Variants in PCDH15 observed in about 807,000 individuals in gnomAD.
PCDH15 encodes protocadherin-15.
PCDH15 carries 129 observed loss-of-function variants against 178.5 expected under a neutral mutation model. That is an observed-to-expected ratio of 0.72 (90% confidence interval 0.63 to 0.84). PCDH15 has a LOEUF of 0.84. Among genes scored for constraint, PCDH15 ranks in the 40% least tolerant of loss-of-function variants. The pLI, the probability that PCDH15 is intolerant of heterozygous loss-of-function variation, is 0.00. For synonymous variants in PCDH15, 800 were observed against 732.0 expected, an observed-to-expected ratio of 1.09 and a Z score of -1.50; for missense variants, 2,230 against 2,099.9, an observed-to-expected ratio of 1.06 and a Z score of -1.21.
At chr10:53,928,163 C>T (rs773989851) in intron 25 of PCDH15, among the ~76,000 whole-genome samples, 15 of 152,018 alleles carry the variant, frequency 9.9e-5, no homozygotes, top group Non-Finnish European at 1.8e-4. Context: ...AATGTTCACT[C>T]CTATGTACAT....
At chr10:53,855,138 A>G (rs1470535203) in intron 28 of PCDH15, among the ~76,000 whole-genome samples, 1 of 152,098 alleles carries the variant, frequency 6.6e-6, no homozygotes, top group Non-Finnish European at 1.5e-5. Flanking sequence ...AACTGGAGTT[A>G]TAGAAATAAA....
intron 2 of PCDH15, among the ~76,000 whole-genome samples, chr10:55,589,092 A>G (rs1321301286): frequency 1.3e-5 from 2 of 151,682 alleles, no homozygotes; most frequent in Non-Finnish European, 2.9e-5. Context: ...AAAAAAAAAA[A>G]AAAAAAAAAG....
At chr10:54,746,097 T>C (rs968180797) in intron 1 of PCDH15, among the ~76,000 whole-genome samples, 17 of 152,128 alleles carry the variant, frequency 1.1e-4, no homozygotes, top group Admixed American at 9.8e-4. Context: ...TTATGTACAA[T>C]AGGGTTTCTC....
chr10:54,285,579 C>T (rs537245804), intron 8 of PCDH15, among the ~76,000 whole-genome samples: 11 of 151,946 alleles, frequency 7.2e-5, no homozygotes, highest in Non-Finnish European at 1.0e-4. Context: ...CAAATAATGG[C>T]GGGGATGTAG....
intron 3 of PCDH15, 147 bp from the exon 4 acceptor site, chr10:54,379,089 T>C: frequency 1.2e-6 from 1 of 854,958 alleles, no homozygotes; most frequent in Non-Finnish European, 1.9e-6. Context: ...CAGAAAATAT[T>C]CTTTACCAAA....
chr10:54,326,093 G>T (rs985509193), intron 7 of PCDH15, among the ~76,000 whole-genome samples: 2 of 152,086 alleles, frequency 1.3e-5, no homozygotes, highest in Non-Finnish European at 2.9e-5. Flanking sequence ...CTGATTTGTA[G>T]CACTGGCACT....
chr10:53,989,087 A>G lies in PCDH15; in HGVS notation c.2868+6562T>C, dbSNP rs2091298516. The stretch of plus-strand genomic sequence containing the variant: ...TGCCTTATTTAAACAAAGTTTAAAC[A>G]GTTGGCCGCCTATGAGTGGTTAAAG... On this transcript the variant is annotated intron_variant, in intron 21 of 37. Coordinates refer to ENST00000644397, the MANE Select transcript of PCDH15 (RefSeq NM_001384140.1). Among the ~76,000 whole-genome samples the G allele has an allele frequency of 1.3e-5, 2 of 152,188 alleles. 1 individual carries two copies. Among genetic ancestry groups the G allele is most frequent in the African/African-American group, 4.8e-5 (2 of 41,426 alleles).
chr10:54,759,988 G>C (rs1165785644), intron 1 of PCDH15, among the ~76,000 whole-genome samples: 1 of 152,164 alleles, frequency 6.6e-6, no homozygotes, highest in Non-Finnish European at 1.5e-5. Flanking sequence ...GGGCGAGTAA[G>C]AGTAGTCAGT....
At chr10:54,205,121 T>G (rs2050654858) in intron 10 of PCDH15, among the ~76,000 whole-genome samples, 1 of 152,110 alleles carries the variant, frequency 6.6e-6, no homozygotes, top group Non-Finnish European at 1.5e-5. Flanking sequence ...AGCCCTGAAG[T>G]CTGCCTTTCC....
In PCDH15 at chr10:54,787,864, C is replaced by T. The variant is rs1951036932; in HGVS notation, c.-29+13061G>A. 3.9e-5 allele frequency among the ~76,000 whole-genome samples: 6 copies of T among 151,908 alleles called. No homozygotes were observed. In the South Asian group the frequency reaches 1.2e-3, roughly 31 times the overall value. Reference sequence around the variant, plus strand: ...TCACTAGGTTTTCAATTAGTTAGAACAATAAATTTATTTATCTTCTCTTTT... The same window carrying T: ...TCACTAGGTTTTCAATTAGTTAGAATAATAAATTTATTTATCTTCTCTTTT... On this transcript the variant is annotated intron_variant, in intron 1 of 37. Transcript: ENST00000644397.
chr10:55,010,379 A>C (rs773612318), intron 2 of PCDH15, among the ~76,000 whole-genome samples: 75 of 152,130 alleles, frequency 4.9e-4, no homozygotes, highest in Admixed American at 9.2e-4. Context: ...ATTCCTTTCC[A>C]GTGGGTGATT....
intron 7 of PCDH15, among the ~76,000 whole-genome samples, chr10:54,324,784 T>C (rs1427451697): frequency 6.6e-6 from 1 of 151,936 alleles, no homozygotes; most frequent in African/African-American, 2.4e-5. Context: ...AAATAAATTA[T>C]AAAATAAGTA....
chr10:54,868,127 A>G (rs552662579), intron 3 of PCDH15, among the ~76,000 whole-genome samples: 1 of 152,040 alleles, frequency 6.6e-6, no homozygotes, highest in South Asian at 2.1e-4. Context: ...GCTGAGGGGG[A>G]AACGGTTATA....
At chr10:54,750,679 C>T (rs1285677034) in intron 1 of PCDH15, among the ~76,000 whole-genome samples, 2 of 152,038 alleles carry the variant, frequency 1.3e-5, no homozygotes, top group African/African-American at 4.8e-5. Context: ...ATTGCATATA[C>T]ATTGTATTCA....
chr10:55,396,132 T>C (rs1050492005), intron 2 of PCDH15, among the ~76,000 whole-genome samples: 1 of 152,208 alleles, frequency 6.6e-6, no homozygotes, highest in Non-Finnish European at 1.5e-5. Context: ...AATTGATTTA[T>C]TGCTTTCTGA....
At chr10:54,162,797 G>A (rs2045843516) in intron 13 of PCDH15, among the ~76,000 whole-genome samples, 1 of 152,104 alleles carries the variant, frequency 6.6e-6, no homozygotes, top group Non-Finnish European at 1.5e-5. Context: ...GAAGCCTTGA[G>A]TTAAATTCTA....
chr10:54,586,321 T>A (rs2091464476), intron 2 of PCDH15, among the ~76,000 whole-genome samples: 1 of 152,150 alleles, frequency 6.6e-6, no homozygotes, highest in Admixed American at 6.6e-5. Context: ...CCTACTATGT[T>A]CCAGGCCTTT....
intron 1 of PCDH15, among the ~76,000 whole-genome samples, chr10:54,719,592 G>C (rs1158813798): frequency 2.6e-5 from 4 of 151,936 alleles, no homozygotes; most frequent in African/African-American, 9.7e-5. Flanking sequence ...TGTGTGCCAT[G>C]GTGATTTGCT....
chr10:55,277,285 T>C (rs1343287415), intron 1 of PCDH15, among the ~76,000 whole-genome samples: 5 of 152,118 alleles, frequency 3.3e-5, no homozygotes, highest in Non-Finnish European at 7.4e-5. Flanking sequence ...CAGTCTTTTT[T>C]TCAGGTAGTT....
Sources: allele counts gnomAD v4.1 joint callset (sites outside exome capture counted in the v4.1 genomes callset), GRCh38; gene constraint gnomAD v4.1.1; transcripts MANE v1.5; gene names NCBI Gene and HGNC (gene_info 2026-07-23, HGNC 2026-07-21).